The following MITF variants were observed in gnomAD, a reference collection of about 807,000 sequenced individuals.
MITF encodes the protein microphthalmia-associated transcription factor.
MITF carries 17 observed loss-of-function variants against 60.5 expected under a neutral mutation model. The ratio of observed to expected loss-of-function variants is 0.28; its 90% CI spans 0.19 to 0.42. The LOEUF (loss-of-function observed/expected upper bound fraction) is 0.42, where lower values mean the gene tolerates loss of function less well. Among genes scored for constraint, MITF ranks in the 10% least tolerant of loss-of-function variants. MITF has a pLI of 1.00. For missense variants in MITF, 622 were observed against 683.5 expected, an observed-to-expected ratio of 0.91 and a Z score of 1.00; for synonymous variants, 260 against 248.5, an observed-to-expected ratio of 1.05 and a Z score of -0.43.
At chr3:69,951,624 A>G (rs2066257005) in intron 6 of MITF, among the ~76,000 whole-genome samples, 188 bp from the exon 7 acceptor site, 1 of 152,064 alleles carries the variant, frequency 6.6e-6, no homozygotes, top group South Asian at 2.1e-4. Context: ...TATTGTATAT[A>G]TGATATATAT....
At chr3:69,860,471 G>C (rs1026192986) in intron 1 of MITF, among the ~76,000 whole-genome samples, 3 of 151,790 alleles carry the variant, frequency 2.0e-5, no homozygotes, top group African/African-American at 7.2e-5. Context: ...AGTGGCGGGC[G>C]CCTGTAGTCC....
chr3:69,939,283 A>ATTT, intron 4 of MITF, 102 bp downstream of exon 4: 1 of 1,017,594 alleles, frequency 9.8e-7, no homozygotes, highest in Admixed American at 2.5e-5. Context: ...TTTTTCCCCC[A>ATTT]TTGTTTTTTT....
intron 1 of MITF, among the ~76,000 whole-genome samples, chr3:69,759,059 T>A (rs2062172781): frequency 6.6e-6 from 1 of 152,246 alleles, no homozygotes; most frequent in Non-Finnish European, 1.5e-5. Context: ...ATTATTTTTG[T>A]TTTATAAAGC....
At chr3:69,920,584 C>T (rs1053448141) in intron 2 of MITF, among the ~76,000 whole-genome samples, 2 of 152,154 alleles carry the variant, frequency 1.3e-5, no homozygotes, top group African/African-American at 2.4e-5. Context: ...GTCTCCTCTC[C>T]CTCTCTGCCT....
At chr3:69,838,328 C>T (rs974320326) in intron 1 of MITF, among the ~76,000 whole-genome samples, 4 of 148,396 alleles carry the variant, frequency 2.7e-5, no homozygotes, top group Non-Finnish European at 4.5e-5. Flanking sequence ...AGGGAATTTA[C>T]GTCAGCAAAA....
intron 1 of MITF, among the ~76,000 whole-genome samples, chr3:69,826,102 C>T (rs1250176725): frequency 6.6e-6 from 1 of 151,992 alleles, no homozygotes. Context: ...AAGTGTACAC[C>T]ATGATGATTT....
intron 2 of MITF, among the ~76,000 whole-genome samples, chr3:69,934,717 A>AC (rs1486733776): frequency 1.3e-5 from 2 of 152,214 alleles, no homozygotes; most frequent in East Asian, 3.8e-4. Flanking sequence ...TCAAAGAAGC[A>AC]CCAGGAAATG....
At chr3:69,950,145 G>A (rs888163976) in intron 6 of MITF, among the ~76,000 whole-genome samples, 45 of 151,854 alleles carry the variant, frequency 3.0e-4, no homozygotes, top group African/African-American at 9.2e-4. Context: ...AGCAAGAATC[G>A]TCGGGCAGGC....
intron 5 of MITF, among the ~76,000 whole-genome samples, chr3:69,945,661 C>G (rs1251352153): frequency 6.6e-6 from 1 of 152,174 alleles, no homozygotes; most frequent in African/African-American, 2.4e-5. Context: ...ATTTAGGACA[C>G]AGTTTCTCAA....
Position 69,847,567 on chromosome 3 carries a change from T to C in MITF, c.105-31567T>C, listed in dbSNP as rs1368215460. ...TTTTTAACTCCAAGAGTGTGTTACG[T>C]ACAGAGAAGGATAACTAGCAGTTAC... is the stretch of plus-strand genomic sequence containing the variant. On this transcript the variant is annotated intron_variant, in intron 1 of 9. Coordinates refer to ENST00000352241, the MANE Select transcript of MITF (RefSeq NM_001354604.2). Among the ~76,000 whole-genome samples, 4 of 152,194 alleles carry C rather than the reference T, an allele frequency of 2.6e-5. No individual in the cohort carries two copies. In the East Asian group the frequency reaches 7.7e-4, roughly 29 times the overall value.
At chr3:69,945,895 C>T (rs2066083077) in intron 5 of MITF, among the ~76,000 whole-genome samples, 1 of 152,188 alleles carries the variant, frequency 6.6e-6, no homozygotes, top group Non-Finnish European at 1.5e-5. Context: ...TCACCTCAGC[C>T]TTGCAGATTC....
Position 69,937,845 on chromosome 3 carries a change from C to T in MITF, c.378C>T (p.Pro126=). The T allele has an allele frequency of 6.2e-7, 1 of 1,614,066 alleles. No homozygotes were observed. The highest frequency in any genetic ancestry group is 8.5e-7 in the Non-Finnish European group (1 of 1,179,982). Residue 126 remains proline (P), a synonymous_variant, in exon 3 of 10, where the codon CCC becomes CCT. Transcript: ENST00000352241. ...AGGTGCAGACCCACCTCGAAAACCC[C>T]ACCAAGTACCACATACAGCAAGCCC... ...VLKVQTHLEN[P]TKYHIQQAQR...
chr3:69,848,730 G>T (rs960391988), intron 1 of MITF, among the ~76,000 whole-genome samples: 1 of 151,980 alleles, frequency 6.6e-6, no homozygotes, highest in Admixed American at 6.6e-5. Flanking sequence ...CATCTGCTTC[G>T]CTCGTGATCT....
At chr3:69,871,202 A>G (rs1398158635) in intron 1 of MITF, among the ~76,000 whole-genome samples, 1 of 152,218 alleles carries the variant, frequency 6.6e-6, no homozygotes, top group African/African-American at 2.4e-5. Context: ...AGGAAGTTCC[A>G]GATTTACATC....
Position 69,966,212 on chromosome 3 carries a change from G to C in MITF, c.*964G>C. Reference sequence around the variant, plus strand: ...TATCATTGTTCTTTTCAATATATTTGTATTAATTTGTAAGAATATGCATCT... The same window carrying C: ...TATCATTGTTCTTTTCAATATATTTCTATTAATTTGTAAGAATATGCATCT... On this transcript the variant is annotated 3_prime_UTR_variant, in exon 10 of 10. Coordinates refer to ENST00000352241, the MANE Select transcript of MITF (RefSeq NM_001354604.2). The C allele has an allele frequency of 4.3e-6, 1 of 232,238 alleles. No individual in the cohort carries two copies. Among genetic ancestry groups the C allele is most frequent in the Non-Finnish European group, 8.5e-6 (1 of 117,376 alleles). The allele number at this position is 232,238 out of a possible 1,614,324, so 14.4% of individuals were successfully genotyped here.
chr3:69,918,286 G>A (rs761316317), intron 2 of MITF, among the ~76,000 whole-genome samples: 2 of 152,096 alleles, frequency 1.3e-5, no homozygotes, highest in Admixed American at 6.6e-5. Context: ...GACCTCAAGT[G>A]ATCTGCCTGC....
rs1559601716 is a variant in MITF, at chr3:69,739,671, A to G, written c.74A>G (p.Tyr25Cys). Residue 25 changes from tyrosine (Y) to cysteine (C), a missense_variant, in exon 1 of 10, where the codon TAC (tyrosine) becomes TGC (cysteine). By Grantham distance (194) the Tyr-to-Cys change is radical. This residue lies in a region of MITF where 149 missense variants were observed against 157.8 expected (regional missense o/e 0.94). Transcript: ENST00000352241. Reference sequence around the variant, plus strand: ...TTTCATGAAGAGCCCAAAACCTATTACGAACTCAAAAGTCAACCGCTGAAG... The same window carrying G: ...TTTCATGAAGAGCCCAAAACCTATTGCGAACTCAAAAGTCAACCGCTGAAG... ...EEFHEEPKTYYELKSQPLKSS... is the reference protein window; with the variant it reads ...EEFHEEPKTYCELKSQPLKSS... 6.3e-7 allele frequency: 1 copy of G among 1,579,960 alleles called. No homozygotes were observed. Among genetic ancestry groups the G allele is most frequent in the Non-Finnish European group, 8.6e-7 (1 of 1,161,142 alleles).
At chr3:69,836,425 A>C (rs1263687084) in intron 1 of MITF, among the ~76,000 whole-genome samples, 1 of 152,204 alleles carries the variant, frequency 6.6e-6, no homozygotes, top group East Asian at 1.9e-4. Flanking sequence ...CCTGAAACTC[A>C]AATTTAACCA....
chr3:69,768,254 G>T (rs1480236391), intron 1 of MITF, among the ~76,000 whole-genome samples: 1 of 152,176 alleles, frequency 6.6e-6, no homozygotes, highest in African/African-American at 2.4e-5. Flanking sequence ...AGGAAATTTT[G>T]GAGGATAAAG....
Sources: allele counts gnomAD v4.1 joint callset (sites outside exome capture counted in the v4.1 genomes callset), GRCh38; gene constraint gnomAD v4.1.1; regional missense constraint gnomAD v4.1.1; transcripts MANE v1.5; gene names NCBI Gene and HGNC (gene_info 2026-07-23, HGNC 2026-07-21).